ARHGAP10: variants seen among roughly 807,000 people sequenced by gnomAD.
ARHGAP10 encodes rho GTPase-activating protein 10.
In ARHGAP10, 87 loss-of-function variants were observed where a neutral mutation model predicts 108.6. That is an observed-to-expected ratio of 0.80 (90% CI 0.67 to 0.96). ARHGAP10 has a LOEUF of 0.96. ARHGAP10 is among the 40% of genes least tolerant of loss of function. The pLI is 0.00. For missense variants in ARHGAP10, 939 were observed against 954.5 expected (o/e 0.98, Z 0.21); for synonymous variants, 347 against 341.1 (o/e 1.02, Z -0.19).
At chr4:147,737,094 G>A (rs1728447565) in intron 1 of ARHGAP10, among the ~76,000 whole-genome samples, 1 of 152,006 alleles carries the variant, frequency 6.6e-6, no homozygotes, top group Non-Finnish European at 1.5e-5. Flanking sequence ...AGACAGTTTT[G>A]AGTTGGGTTT....
At position 147,881,824 on chromosome 4, in the gene ARHGAP10, A is replaced by G; in HGVS notation, c.940-14A>G. The stretch of plus-strand genomic sequence containing the variant: ...CCTGTAGGTTTTGAGAATGTTCAAA[A>G]TGATTATTTGCAGGGGGACGGAGAG... On this transcript the variant is annotated splice_polypyrimidine_tract_variant and intron_variant, in intron 9 of 22. Transcript: ENST00000336498. 6.2e-7 allele frequency: 1 copy of G among 1,613,012 alleles called. No homozygotes were observed. Among genetic ancestry groups the G allele is most frequent in the Non-Finnish European group, 8.5e-7 (1 of 1,179,298 alleles).
chr4:147,983,210 G>A (rs1270085361), intron 18 of ARHGAP10, among the ~76,000 whole-genome samples: 1 of 126,162 alleles, frequency 7.9e-6, no homozygotes, highest in East Asian at 2.5e-4. Context: ...TTTTGAAGCA[G>A]AGTCTCACTC....
intron 9 of ARHGAP10, 67 bp downstream of exon 9, chr4:147,879,405 T>A: frequency 7.5e-7 from 1 of 1,333,486 alleles, no homozygotes; most frequent in South Asian, 1.4e-5. Context: ...GGTGTCATTT[T>A]AATGGTTTAT....
At chr4:147,902,293 T>A (rs1736282349) in intron 10 of ARHGAP10, among the ~76,000 whole-genome samples, 1 of 152,238 alleles carries the variant, frequency 6.6e-6, no homozygotes, top group African/African-American at 2.4e-5. Flanking sequence ...AGACTGTTCA[T>A]GTGCAATTTT....
At chr4:147,923,838 C>T (rs767158235) in intron 13 of ARHGAP10, among the ~76,000 whole-genome samples, 2 of 152,166 alleles carry the variant, frequency 1.3e-5, no homozygotes, top group Non-Finnish European at 2.9e-5. Flanking sequence ...TATTAATCTT[C>T]AGGGGTATGG....
intron 18 of ARHGAP10, among the ~76,000 whole-genome samples, chr4:147,995,589 A>G (rs913272068): frequency 1.3e-5 from 2 of 152,250 alleles, no homozygotes; most frequent in African/African-American, 4.8e-5. Flanking sequence ...GACAGAGTAA[A>G]GACAGATTTG....
intron 1 of ARHGAP10, among the ~76,000 whole-genome samples, chr4:147,820,966 A>G (rs1732470893): frequency 6.6e-6 from 1 of 152,054 alleles, no homozygotes; most frequent in South Asian, 2.1e-4. Flanking sequence ...CTCAAACCTA[A>G]TGGCTAAAAT....
intron 1 of ARHGAP10, among the ~76,000 whole-genome samples, chr4:147,738,510 G>A (rs898162054): frequency 2.0e-4 from 31 of 152,126 alleles, no homozygotes; most frequent in East Asian, 9.7e-4. Context: ...CAGAGATCGC[G>A]TCACTGCACT....
chr4:147,746,761 C>T (rs1050234400), intron 1 of ARHGAP10, among the ~76,000 whole-genome samples: 1 of 152,120 alleles, frequency 6.6e-6, no homozygotes, highest in Non-Finnish European at 1.5e-5. Context: ...TACCTTTCAC[C>T]TGTTTCATGA....
intron 9 of ARHGAP10, among the ~76,000 whole-genome samples, chr4:147,881,247 T>G (rs1459776701): frequency 6.6e-6 from 1 of 151,492 alleles, no homozygotes; most frequent in East Asian, 1.9e-4. Flanking sequence ...CACTCCAGCC[T>G]GGGCAACAGA....
rs758608277 is a variant in ARHGAP10, at chr4:148,023,240, T to C, written c.1717-23T>C. 8 of 1,612,606 alleles carry C rather than the reference T, an allele frequency of 5.0e-6. No homozygotes were observed. The South Asian group carries it at 8.8e-5, about 18-fold the overall frequency. Reference sequence around the variant, plus strand: ...GTTTCTGTTCATGGTAAATAATTCCTGTCCTTTATGCTTTGTTGGAAGATT... The same window carrying C: ...GTTTCTGTTCATGGTAAATAATTCCCGTCCTTTATGCTTTGTTGGAAGATT... On this transcript the variant is annotated intron_variant, in intron 18 of 22. Transcript: ENST00000336498.
At chr4:147,907,798 T>C (rs1380029535) in intron 11 of ARHGAP10, among the ~76,000 whole-genome samples, 3 of 152,206 alleles carry the variant, frequency 2.0e-5, no homozygotes, top group African/African-American at 7.2e-5. Context: ...TGGTCAGATT[T>C]GGGTGTCGTC....
At position 147,784,750 on chromosome 4, in the gene ARHGAP10, T is replaced by A. The variant is rs1432291600; in HGVS notation, c.155-37977T>A. Among the ~76,000 whole-genome samples the A allele has an allele frequency of 4.0e-4, 8 of 19,806 alleles. 1 individual carries two copies. Among genetic ancestry groups the A allele is most frequent in the South Asian group, 2.2e-3 (1 of 464 alleles). The allele number at this position is 19,806 out of a possible 152,430, so 13.0% of individuals were successfully genotyped here. On this transcript the variant is annotated intron_variant, in intron 1 of 22. Transcript: ENST00000336498. ...TTATAAAATATATATTATAAATATATATTATAAAATGTATATTATAAATAT... is the reference window on the plus strand; with the variant it reads ...TTATAAAATATATATTATAAATATAAATTATAAAATGTATATTATAAATAT...
chr4:147,962,441 T>C (rs1162311677), intron 16 of ARHGAP10, among the ~76,000 whole-genome samples: 1 of 152,194 alleles, frequency 6.6e-6, no homozygotes, highest in Non-Finnish European at 1.5e-5. Flanking sequence ...TTTTAAGATA[T>C]TGTTTCATTT....
intron 10 of ARHGAP10, among the ~76,000 whole-genome samples, chr4:147,893,114 A>G (rs1458221607): frequency 6.6e-6 from 1 of 152,044 alleles, no homozygotes. Flanking sequence ...GCTGGAGCGC[A>G]GTGGCGTGAT....
At chr4:147,776,777 A>C (rs1239879231) in intron 1 of ARHGAP10, among the ~76,000 whole-genome samples, 1 of 152,186 alleles carries the variant, frequency 6.6e-6, no homozygotes, top group Non-Finnish European at 1.5e-5. Context: ...TTGGGAGCTT[A>C]GTGCACTGGG....
chr4:147,798,724 A>AACTCT (rs1731419776), intron 1 of ARHGAP10, among the ~76,000 whole-genome samples: 1 of 85,988 alleles, frequency 1.2e-5, no homozygotes, highest in African/African-American at 6.9e-5. Flanking sequence ...AGTTTGAGAC[A>AACTCT]CTCTCTCTCT....
rs577228061 is a variant in ARHGAP10 at position 147,776,302 on chromosome 4, C to G, written c.154+43847C>G. On this transcript the variant is annotated intron_variant, in intron 1 of 22. Coordinates refer to ENST00000336498, the MANE Select transcript of ARHGAP10 (RefSeq NM_024605.4). ...TGGTGTGATCTCGGCTCACTGCAAC[C>G]TCTGCCTCCTGGGTTCAAGCAATTC... Among the ~76,000 whole-genome samples the G allele has an allele frequency of 8.0e-4, 121 of 151,790 alleles. 1 individual carries two copies. The highest frequency in any genetic ancestry group is 2.8e-3 in the African/African-American group (117 of 41,338).
intron 19 of ARHGAP10, among the ~76,000 whole-genome samples, chr4:148,042,827 G>A (rs1429113038): frequency 6.6e-6 from 1 of 152,216 alleles, no homozygotes; most frequent in Non-Finnish European, 1.5e-5. Context: ...GATTAGAGAT[G>A]CTTGTGGCTC....
Sources: allele counts gnomAD v4.1 joint callset (sites outside exome capture counted in the v4.1 genomes callset), GRCh38; gene constraint gnomAD v4.1.1; transcripts MANE v1.5; gene names NCBI Gene and HGNC (gene_info 2026-07-23, HGNC 2026-07-21).